NUP85: variants seen among roughly 807,000 people sequenced by gnomAD.
The protein encoded by NUP85 is nuclear pore complex protein Nup85.
Under a neutral mutation model 92.8 loss-of-function variants are expected in NUP85, and 23 were observed. That is an observed-to-expected ratio of 0.25 (90% CI 0.18 to 0.35). NUP85 has a LOEUF of 0.35. Ranked by LOEUF, NUP85 falls within the 10% of genes least tolerant of loss-of-function variation. The pLI is 1.00. For missense variants in NUP85, 759 were observed against 822.8 expected (o/e 0.92, Z 0.95); for synonymous variants, 314 against 306.9 (o/e 1.02, Z -0.24).
chr17:75,212,238 T>TTTTG (rs1568069549), intron 4 of NUP85, among the ~76,000 whole-genome samples, 176 bp downstream of exon 4: 1 of 7,974 alleles, frequency 1.3e-4, no homozygotes, highest in African/African-American at 1.7e-4. Flanking sequence ...GGTTTTTTTT[T>TTTTG]TTGTTGTTGT....
chr17:75,231,355 C>G lies in NUP85; in HGVS notation c.1110C>G (p.Asn370Lys). Residue 370 changes from asparagine to lysine, a missense_variant, in exon 12 of 19, where the codon AAC (asparagine) becomes AAG (lysine). Physicochemically the swap from Asn to Lys is moderately conservative, Grantham distance 94. Transcript: ENST00000245544. The surrounding 1 kb of genome is among the most constrained non-coding windows in gnomAD (Gnocchi z 4.6). Reference protein sequence around the residue: ...VIKECSIALSNWWFVAHLTDL... With the variant: ...VIKECSIALSKWWFVAHLTDL... ...GAATCTGCAGCATCGCCCTGAGCAA[C>G]TGGTGGTTTGTGGCCCACCTGACAG... The G allele has an allele frequency of 6.2e-7, 1 of 1,614,236 alleles. No individual in the cohort carries two copies.
intron 10 of NUP85, 110 bp downstream of exon 10, chr17:75,225,939 C>T (rs2075777155): frequency 6.3e-7 from 1 of 1,591,766 alleles, no homozygotes. Flanking sequence ...TTTCCTTTGG[C>T]CCTTAGTGAA....
intron 3 of NUP85, among the ~76,000 whole-genome samples, chr17:75,211,603 G>A (rs2075262283): frequency 6.6e-6 from 1 of 151,656 alleles, no homozygotes; most frequent in Non-Finnish European, 1.5e-5. Flanking sequence ...CACCAGGTTG[G>A]CCAGGCTGGT....
At position 75,231,228 on chromosome 17, in the gene NUP85, G is replaced by A. The variant is rs1006946809; in HGVS notation, c.1095-112G>A. 13 of 999,200 alleles carry A rather than the reference G, an allele frequency of 1.3e-5. No homozygotes were observed. Among genetic ancestry groups the A allele is most frequent in the African/African-American group, 4.7e-5 (3 of 63,168 alleles). 61.9% of individuals were successfully genotyped at this position (999,200 alleles called of 1,614,324 possible). A position where few individuals can be genotyped will look rare whatever the true frequency, so the allele number is the denominator to read the frequency against. On this transcript the variant is annotated intron_variant, in intron 11 of 18. Coordinates refer to ENST00000245544, the MANE Select transcript of NUP85 (RefSeq NM_024844.5). The surrounding 1 kb of genome is among the most constrained non-coding windows in gnomAD (Gnocchi z 4.6). Reference sequence around the variant, plus strand: ...ACGGGCATGAGCTATCATCACGCCCGGCCCCATCTCTTTGAGGGACAGGAC... The same window carrying A: ...ACGGGCATGAGCTATCATCACGCCCAGCCCCATCTCTTTGAGGGACAGGAC...
rs180816519 is a variant in NUP85 at position 75,231,779 on chromosome 17, C to T, written c.1245-49C>T. The T allele has an allele frequency of 1.2e-4, 187 of 1,610,360 alleles. 5 individuals are homozygous for T. The East Asian group carries it at 1.6e-3, about 13-fold the overall frequency. On this transcript the variant is annotated intron_variant, in intron 13 of 18. Transcript: ENST00000245544. This position sits in a 1 kb window ranked among gnomAD's most constrained non-coding sequence, Gnocchi z 4.6. ...AAAGGGAGCTGTAGGTGCCAGTCCT[C>T]GGAGCCATGAGGCAGCACCTCATGT...
intron 11 of NUP85, chr17:75,226,699 C>A: frequency 2.3e-6 from 1 of 431,150 alleles, no homozygotes; most frequent in Non-Finnish European, 4.6e-6. Flanking sequence ...TTAGGGACTT[C>A]CTGGAGGCTT....
chr17:75,234,705 T>A lies in NUP85; in HGVS notation c.1684T>A (p.Ser562Thr). Residue 562 changes from serine (S) to threonine (T), a missense_variant, in exon 17 of 19, where the codon TCC (serine) becomes ACC (threonine). Transcript: ENST00000245544. ...RFADAASLLL[S>T]LMTSRIAPRS... The stretch of plus-strand genomic sequence containing the variant: ...TGCCGACGCAGCTTCTCTCCTTCTG[T>A]CCTTGATGACGTCTCGGATTGCCCC... 6.2e-7 allele frequency: 1 copy of A among 1,614,218 alleles called. No homozygotes were observed. The highest frequency in any genetic ancestry group is 2.2e-5 in the East Asian group (1 of 44,882).
chr17:75,210,024 A>T (rs755789838), intron 3 of NUP85, 39 bp downstream of exon 3: 1 of 1,568,002 alleles, frequency 6.4e-7, no homozygotes, highest in Non-Finnish European at 8.6e-7. Flanking sequence ...CCCACACTAC[A>T]CTGTGGAAAG....
intron 1 of NUP85, among the ~76,000 whole-genome samples, chr17:75,207,408 C>G (rs1442088402): frequency 1.3e-5 from 2 of 151,806 alleles, no homozygotes; most frequent in Non-Finnish European, 2.9e-5. Context: ...TGGTCTGGAA[C>G]TCCTGACCTC....
rs769749610 is a variant in NUP85 at position 75,225,178 on chromosome 17, G to A, written c.673G>A (p.Ala225Thr). The A allele has an allele frequency of 2.9e-5, 47 of 1,609,620 alleles. No homozygotes were observed. The South Asian group carries it at 4.5e-4, about 16-fold the overall frequency. Residue 225 changes from alanine to threonine, a missense_variant, in exon 8 of 19, where the codon GCC becomes ACC. Transcript: ENST00000245544. ...MLSKEADASP[A>T]SAGICRIMGD... Reference sequence around the variant, plus strand: ...CTCCAAGGAAGCCGATGCCAGCCCCGCCTCTGCAGGCATATGCCGAATCAT... The same window carrying A: ...CTCCAAGGAAGCCGATGCCAGCCCCACCTCTGCAGGCATATGCCGAATCAT...
chr17:75,233,570 C>T (rs547082694), intron 16 of NUP85, among the ~76,000 whole-genome samples: 19 of 150,550 alleles, frequency 1.3e-4, no homozygotes, highest in East Asian at 3.9e-4. Context: ...TACAGGCACG[C>T]GGAACCACAC....
chr17:75,235,101 T>G lies in NUP85; in HGVS notation c.1769T>G (p.Val590Gly). Reference sequence around the variant, plus strand: ...AGCAAGGCAGGCTCTCTTCCCTAGGTGATTTTCTCAGCAGAACAGACTTAT... The same window carrying G: ...AGCAAGGCAGGCTCTCTTCCCTAGGGGATTTTCTCAGCAGAACAGACTTAT... Reference protein sequence around the residue: ...DALPLLEQKQVIFSAEQTYEL... With the variant: ...DALPLLEQKQGIFSAEQTYEL... Residue 590 changes from valine to glycine, a missense_variant and splice_region_variant, in exon 18 of 19, where the codon GTG becomes GGG. Coordinates refer to ENST00000245544, the MANE Select transcript of NUP85 (RefSeq NM_024844.5). 6.2e-7 allele frequency: 1 copy of G among 1,613,168 alleles called. No individual in the cohort carries two copies. Among genetic ancestry groups the G allele is most frequent in the Non-Finnish European group, 8.5e-7 (1 of 1,179,338 alleles).
At chr17:75,234,957 G>A in intron 17 of NUP85, 143 bp from the exon 18 acceptor site, 1 of 1,061,094 alleles carries the variant, frequency 9.4e-7, no homozygotes, top group Admixed American at 1.8e-5. Flanking sequence ...AACAAACACT[G>A]CTTGATTTGA....
intron 18 of NUP85, 78 bp downstream of exon 18, chr17:75,235,279 C>G: frequency 9.7e-7 from 1 of 1,034,296 alleles, no homozygotes; most frequent in Non-Finnish European, 1.5e-6. Context: ...CCCCTTCCCT[C>G]CAGAAACACT....
Position 75,205,905 on chromosome 17 carries a change from C to A in NUP85, c.33+111C>A. 7.1e-6 allele frequency: 9 copies of A among 1,262,530 alleles called. No individual in the cohort carries two copies. The South Asian group carries it at 1.1e-4, about 16-fold the overall frequency. The allele number at this position is 1,262,530 out of a possible 1,614,324, so 78.2% of individuals were successfully genotyped here. A position where few individuals can be genotyped will look rare whatever the true frequency, so the allele number is the denominator to read the frequency against. Reference sequence around the variant, plus strand: ...GTGGTCGCGAGGCGCTCGTCCCCTTCCCTCGACTCAGTTGCCACTTTTCCG... The same window carrying A: ...GTGGTCGCGAGGCGCTCGTCCCCTTACCTCGACTCAGTTGCCACTTTTCCG... On this transcript the variant is annotated intron_variant, in intron 1 of 18. Coordinates refer to ENST00000245544, the MANE Select transcript of NUP85 (RefSeq NM_024844.5).
At chr17:75,217,317 C>G (rs928368308) in intron 6 of NUP85, among the ~76,000 whole-genome samples, 2 of 151,908 alleles carry the variant, frequency 1.3e-5, no homozygotes, top group African/African-American at 4.8e-5. Flanking sequence ...ATCTTGGCCT[C>G]GCAAAATGCT....
At chr17:75,226,843 T>C in intron 11 of NUP85, 1 of 407,212 alleles carries the variant, frequency 2.5e-6, no homozygotes, top group Admixed American at 2.8e-5. Flanking sequence ...GGACACCTTA[T>C]GGGATGGCGT....
At chr17:75,229,161 G>T in intron 11 of NUP85, 1 of 985,412 alleles carries the variant, frequency 1.0e-6, no homozygotes, top group African/African-American at 1.7e-5. Flanking sequence ...TAACCAAGAA[G>T]AGTTCCAGCT....
intron 16 of NUP85, among the ~76,000 whole-genome samples, chr17:75,233,386 T>TG (rs1568095978): frequency 0.038 from 832 of 21,624 alleles, 14 homozygotes; most frequent in African/African-American, 0.047. Flanking sequence ...TTTCTCTCTT[T>TG]CTTTCTCTTT....
Sources: allele counts gnomAD v4.1 joint callset (sites outside exome capture counted in the v4.1 genomes callset), GRCh38; gene constraint gnomAD v4.1.1; non-coding constraint Gnocchi (gnomAD v3.1); transcripts MANE v1.5; gene names NCBI Gene and HGNC (gene_info 2026-07-23, HGNC 2026-07-21).